Variants in NREP observed in about 807,000 individuals in gnomAD.
NREP encodes the protein neuronal regeneration-related protein.
In NREP, 5 loss-of-function variants were observed where a neutral mutation model predicts 8.6. The ratio of observed to expected loss-of-function variants is 0.58; its 90% CI spans 0.30 to 1.22. The LOEUF is 1.22. Among genes scored for constraint, NREP ranks in the 50% most tolerant of loss-of-function variants. NREP has a pLI of 0.07. For synonymous variants in NREP, 27 were observed against 28.0 expected (o/e 0.96, Z 0.11); for missense variants, 86 against 82.5 (o/e 1.04, Z -0.17).
chr5:111,894,763 G>T (rs1268116892), intron 2 of NREP, among the ~76,000 whole-genome samples: 1 of 152,168 alleles, frequency 6.6e-6, no homozygotes, highest in Non-Finnish European at 1.5e-5. Context: ...ACAGCCCTAT[G>T]GATGTGATCC....
intron 2 of NREP, among the ~76,000 whole-genome samples, chr5:111,944,337 T>C (rs1561360371): frequency 6.6e-6 from 1 of 152,110 alleles, no homozygotes; most frequent in Non-Finnish European, 1.5e-5. Context: ...AGACAAGGTC[T>C]TGCTCTGTCA....
intron 2 of NREP, among the ~76,000 whole-genome samples, chr5:111,906,829 A>G (rs1009155377): frequency 2.0e-5 from 3 of 152,086 alleles, no homozygotes; most frequent in Non-Finnish European, 4.4e-5. Context: ...TGAAGTGTCC[A>G]TATCTCTTGT....
intron 2 of NREP, among the ~76,000 whole-genome samples, chr5:111,798,763 GTGTGTGTGTGTGTA>G (rs879343016): frequency 0.26 from 16,119 of 61,178 alleles, 983 homozygotes; most frequent in Non-Finnish European, 0.31. Context: ...GTGTGTGTGT[GTGTGTGTGTGTGTA>G]TGTGTGTGTG....
chr5:111,872,505 C>A (rs1753813134), intron 2 of NREP, among the ~76,000 whole-genome samples: 1 of 152,152 alleles, frequency 6.6e-6, no homozygotes, highest in Non-Finnish European at 1.5e-5. Context: ...TTAATCATCA[C>A]TATATTCAAG....
At chr5:111,962,913 T>C (rs1756519175) in intron 2 of NREP, among the ~76,000 whole-genome samples, 1 of 152,198 alleles carries the variant, frequency 6.6e-6, no homozygotes, top group East Asian at 1.9e-4. Context: ...CTTCCATCAC[T>C]AAATAAAATT....
chr5:111,829,658 C>G (rs1752715231), intron 2 of NREP, among the ~76,000 whole-genome samples: 1 of 152,152 alleles, frequency 6.6e-6, no homozygotes, highest in Admixed American at 6.5e-5. Flanking sequence ...GATCAAATCC[C>G]TTGTAAATAC....
At position 111,730,969 on chromosome 5, in the gene NREP, G is replaced by A. The variant is rs77265605; in HGVS notation, c.159C>T (p.Gly53=). The A allele has an allele frequency of 3.7e-6, 6 of 1,613,818 alleles. No homozygotes were observed. Among genetic ancestry groups the A allele is most frequent in the Non-Finnish European group, 5.1e-6 (6 of 1,179,760 alleles). ...ETNAASLTPL[G]SSELRSPRIS... ...TTCTTGGGGAGCGGAGTTCACTGCT[G>A]CCCAGTGGAGTCAGGGAGGCAGCGT... Residue 53 remains glycine, a synonymous_variant, in exon 4 of 4, where the codon GGC becomes GGT. Transcript: ENST00000257435.
Position 111,749,258 on chromosome 5 carries a change from T to C in NREP, c.3+6512A>G, listed in dbSNP as rs117270898. Among the ~76,000 whole-genome samples the C allele has an allele frequency of 1.2e-4, 18 of 152,258 alleles. No individual in the cohort carries two copies. The East Asian group carries it at 3.3e-3, about 28-fold the overall frequency. On this transcript the variant is annotated intron_variant, in intron 2 of 3. Transcript: ENST00000257435. ...TTGAAGGTATGAGGTGGAGAAGGCATAAAGAATTCAAGGAGCAATGCTTAC... is the reference window on the plus strand; with the variant it reads ...TTGAAGGTATGAGGTGGAGAAGGCACAAAGAATTCAAGGAGCAATGCTTAC...
upstream of NREP, among the ~76,000 whole-genome samples, chr5:111,761,313 G>A (rs1581097990): frequency 6.6e-6 from 1 of 152,072 alleles, no homozygotes; most frequent in Non-Finnish European, 1.5e-5. Context: ...ATTGAATGAG[G>A]GCACTTTTGC....
At chr5:111,946,074 T>TCACA (rs72097994) in intron 2 of NREP, among the ~76,000 whole-genome samples, 17,474 of 126,778 alleles carry the variant, frequency 0.14, 1,149 homozygotes, top group East Asian at 0.28. Flanking sequence ...GAGATTTTGA[T>TCACA]CACACACACA....
At chr5:111,918,386 C>T (rs992968756) in intron 2 of NREP, among the ~76,000 whole-genome samples, 4 of 152,162 alleles carry the variant, frequency 2.6e-5, no homozygotes, top group Admixed American at 2.6e-4. Context: ...CAGAAAAGCA[C>T]CCGTATAGCC....
At chr5:111,734,858 T>A (rs997720017) in intron 3 of NREP, 15 of 465,102 alleles carry the variant, frequency 3.2e-5, no homozygotes, top group Admixed American at 1.2e-4. Context: ...TAAGTAGTTG[T>A]TATTGTTTGT....
chr5:111,936,694 A>T (rs769679788), intron 2 of NREP, among the ~76,000 whole-genome samples: 2 of 152,124 alleles, frequency 1.3e-5, no homozygotes, highest in Admixed American at 6.6e-5. Context: ...TCCCAAATGC[A>T]TGACTACAAT....
At chr5:111,865,228 T>C (rs1753638567) in intron 2 of NREP, among the ~76,000 whole-genome samples, 1 of 152,044 alleles carries the variant, frequency 6.6e-6, no homozygotes, top group East Asian at 1.9e-4. Context: ...CAAAAGCCCT[T>C]AGTAACATCT....
chr5:111,891,539 G>A (rs1352617815), intron 2 of NREP, among the ~76,000 whole-genome samples: 1 of 152,104 alleles, frequency 6.6e-6, no homozygotes, highest in Non-Finnish European at 1.5e-5. Context: ...CCAATTTTCT[G>A]TATTAGGACA....
At position 111,976,746 on chromosome 5, in the gene NREP, C is replaced by T. The variant is rs1170858769; in HGVS notation, c.-7G>A. On this transcript the variant is annotated 5_prime_UTR_variant, in exon 1 of 4. Transcript: ENST00000395634. ...AATTCCAAACTCCTTTCATTCCAGT[C>T]CTGTTACTGCTTGAGGATAAAGTTC... The T allele has an allele frequency of 2.6e-6, 4 of 1,550,672 alleles. No individual in the cohort carries two copies. The Admixed American group carries it at 7.9e-5, about 30-fold the overall frequency.
At chr5:111,887,464 C>T (rs1465542009) in intron 2 of NREP, among the ~76,000 whole-genome samples, 3 of 152,188 alleles carry the variant, frequency 2.0e-5, no homozygotes, top group Non-Finnish European at 4.4e-5. Context: ...TATGCTGTCA[C>T]TTCCATGACT....
chr5:111,880,630 C>G (rs1754031247), intron 2 of NREP, among the ~76,000 whole-genome samples: 1 of 151,728 alleles, frequency 6.6e-6, no homozygotes, highest in Non-Finnish European at 1.5e-5. Context: ...AAGACCATCT[C>G]TAATCGTGGA....
At chr5:111,865,178 G>A (rs1753637438) in intron 2 of NREP, among the ~76,000 whole-genome samples, 2 of 152,122 alleles carry the variant, frequency 1.3e-5, no homozygotes, top group African/African-American at 4.8e-5. Flanking sequence ...GATGGGAGAA[G>A]CAAGTATAAG....
Sources: gnomAD v4.1 joint callset for allele counts (sites outside exome capture counted in the v4.1 genomes callset) on GRCh38, gnomAD v4.1.1 for gene constraint, MANE v1.5 for transcripts, NCBI Gene and HGNC (gene_info 2026-07-23, HGNC 2026-07-21) for gene names.